The following ACAP2 variants were observed in gnomAD, a reference collection of about 807,000 sequenced individuals.
ACAP2 encodes arf-GAP with coiled-coil, ANK repeat and PH domain-containing protein 2.
A neutral mutation model predicts 115.8 loss-of-function variants in ACAP2; 39 were observed. The ratio of observed to expected loss-of-function variants is 0.34; its 90% CI spans 0.26 to 0.44. ACAP2 has a LOEUF of 0.44. ACAP2 is among the 20% of genes least tolerant of loss of function. The probability of loss-of-function intolerance (pLI) is 1.00; values close to 1 mark genes in which losing one functional copy is unlikely to be tolerated. For missense variants in ACAP2, 662 were observed against 927.6 expected (o/e 0.71, Z 3.72); for synonymous variants, 289 against 315.8 (o/e 0.92, Z 0.90).
At chr3:195,373,608 T>C (rs551049259) in intron 4 of ACAP2, among the ~76,000 whole-genome samples, 3 of 152,180 alleles carry the variant, frequency 2.0e-5, no homozygotes. Flanking sequence ...GATTAACTTA[T>C]ATGAAGCAGT....
intron 4 of ACAP2, chr3:195,356,245 C>T: frequency 2.2e-6 from 1 of 454,418 alleles, no homozygotes; most frequent in Non-Finnish European, 4.4e-6. Flanking sequence ...TGCTGCCAAT[C>T]CCGGCAGAAC....
intron 1 of ACAP2, among the ~76,000 whole-genome samples, chr3:195,414,113 C>T (rs1197656094): frequency 6.6e-6 from 1 of 151,978 alleles, no homozygotes; most frequent in Non-Finnish European, 1.5e-5. Context: ...AAGGAGAAAC[C>T]ACTACACACC....
In ACAP2 at chr3:195,277,837, T is replaced by C. The variant is rs1326568818; in HGVS notation, c.*1491A>G. The C allele has an allele frequency of 6.6e-6, 1 of 152,144 alleles. No homozygotes were observed. The highest frequency in any genetic ancestry group is 2.4e-5 in the African/African-American group (1 of 41,434). The allele number at this position is 152,144 out of a possible 1,614,324, so 9.4% of individuals were successfully genotyped here. ...TGGCTCACGCCTGTAATCCCAGCAC[T>C]CTGGGAGGCTAAAGCAGGCTGATCA... On this transcript the variant is annotated 3_prime_UTR_variant, in exon 23 of 23. Transcript: ENST00000326793.
At chr3:195,293,714 C>T (rs1727419183) in intron 18 of ACAP2, among the ~76,000 whole-genome samples, 1 of 152,068 alleles carries the variant, frequency 6.6e-6, no homozygotes, top group South Asian at 2.1e-4. Flanking sequence ...TGGTGGCACA[C>T]ACCTGTAACC....
At chr3:195,432,001 T>C (rs1577475316) in intron 1 of ACAP2, among the ~76,000 whole-genome samples, 1 of 152,270 alleles carries the variant, frequency 6.6e-6, no homozygotes, top group Non-Finnish European at 1.5e-5. Flanking sequence ...CATTTGGGTA[T>C]GTTCTTTGAA....
At chr3:195,332,083 G>A (rs1005458745) in intron 8 of ACAP2, among the ~76,000 whole-genome samples, 1 of 147,458 alleles carries the variant, frequency 6.8e-6, no homozygotes, top group Admixed American at 6.9e-5. Context: ...GCAGTGAGCC[G>A]AGATCCCGCC....
At chr3:195,280,473 A>G (rs1339187792) in intron 22 of ACAP2, among the ~76,000 whole-genome samples, 1 of 152,206 alleles carries the variant, frequency 6.6e-6, no homozygotes, top group Non-Finnish European at 1.5e-5. Flanking sequence ...CTCTGTTTCA[A>G]TAAAAAATAA....
chr3:195,341,411 G>A (rs1195275980), intron 6 of ACAP2, among the ~76,000 whole-genome samples: 2 of 131,928 alleles, frequency 1.5e-5, no homozygotes, highest in African/African-American at 5.7e-5. Flanking sequence ...TGCAAGCTCC[G>A]CCTCCTGGGT....
chr3:195,383,438 T>C (rs1210307465), intron 2 of ACAP2, among the ~76,000 whole-genome samples: 1 of 151,936 alleles, frequency 6.6e-6, no homozygotes, highest in Non-Finnish European at 1.5e-5. Flanking sequence ...ATCTGATAAA[T>C]GATATTAGGG....
intron 6 of ACAP2, 100 bp from the exon 7 acceptor site, chr3:195,337,076 A>G (rs1730556086): frequency 9.1e-7 from 1 of 1,104,608 alleles, no homozygotes; most frequent in Non-Finnish European, 1.3e-6. Flanking sequence ...ATACTTTTCG[A>G]AAAAGCAAAT....
intron 4 of ACAP2, among the ~76,000 whole-genome samples, chr3:195,356,947 G>T (rs1190568353): frequency 6.6e-6 from 1 of 151,690 alleles, no homozygotes; most frequent in Admixed American, 6.6e-5. Flanking sequence ...GAGAAAAGGG[G>T]AGGGAAAAAT....
At position 195,406,851 on chromosome 3, in the gene ACAP2, C is replaced by T. The variant is rs764848768; in HGVS notation, c.54-14704G>A. On this transcript the variant is annotated intron_variant, in intron 1 of 22. Coordinates refer to ENST00000326793, the MANE Select transcript of ACAP2 (RefSeq NM_012287.6). ...TTCCAAGGAAGTATAAACTAAGACA[C>T]GCTACAAATTCAAAATATGTTGTGT... 7.9e-5 allele frequency among the ~76,000 whole-genome samples: 12 copies of T among 152,096 alleles called. 1 individual carries two copies. Among genetic ancestry groups the T allele is most frequent in the South Asian group, 2.1e-4 (1 of 4,818 alleles).
intron 4 of ACAP2, among the ~76,000 whole-genome samples, chr3:195,367,334 G>T (rs892618223): frequency 2.0e-5 from 3 of 152,142 alleles, no homozygotes; most frequent in Non-Finnish European, 4.4e-5. Context: ...TTTACTAGTG[G>T]TTCTCAAACT....
intron 5 of ACAP2, among the ~76,000 whole-genome samples, chr3:195,344,557 G>C (rs1263901530): frequency 6.7e-6 from 1 of 148,226 alleles, no homozygotes; most frequent in African/African-American, 2.5e-5. Flanking sequence ...TTTCACTCTT[G>C]TTGCCCAGGC....
At chr3:195,332,669 G>C (rs993044602) in intron 8 of ACAP2, among the ~76,000 whole-genome samples, 1 of 152,184 alleles carries the variant, frequency 6.6e-6, no homozygotes. Flanking sequence ...AGGGAACTGA[G>C]TCATGGGGGC....
chr3:195,423,328 G>A (rs1462513380), intron 1 of ACAP2, among the ~76,000 whole-genome samples: 1 of 152,096 alleles, frequency 6.6e-6, no homozygotes, highest in East Asian at 1.9e-4. Flanking sequence ...TCTGTTAATT[G>A]TACAAGTATT....
chr3:195,320,401 AAATTT>A, intron 10 of ACAP2, among the ~76,000 whole-genome samples: 1 of 152,364 alleles, frequency 6.6e-6, no homozygotes, highest in South Asian at 2.1e-4. Context: ...ACCATATTCA[AAATTT>A]ATTTACTATA....
chr3:195,281,104 A>T (rs188800764), intron 22 of ACAP2, among the ~76,000 whole-genome samples: 3 of 152,304 alleles, frequency 2.0e-5, no homozygotes, highest in African/African-American at 7.2e-5. Context: ...ATTTTGAATT[A>T]AAAAAATGTT....
At chr3:195,353,948 C>T (rs1339593754) in intron 4 of ACAP2, among the ~76,000 whole-genome samples, 2 of 152,118 alleles carry the variant, frequency 1.3e-5, no homozygotes, top group African/African-American at 4.8e-5. Flanking sequence ...AGGTATTACA[C>T]CTACTATCCA....
Sources: allele counts gnomAD v4.1 joint callset (sites outside exome capture counted in the v4.1 genomes callset), GRCh38; gene constraint gnomAD v4.1.1; transcripts MANE v1.5; gene names NCBI Gene and HGNC (gene_info 2026-07-23, HGNC 2026-07-21).